Variants in PLEKHM3 observed in about 807,000 individuals in gnomAD.
PLEKHM3 encodes the protein pleckstrin homology domain-containing family M member 3.
A neutral mutation model predicts 81.8 loss-of-function variants in PLEKHM3; 45 were observed. The ratio of observed to expected loss-of-function variants is 0.55; its 90% CI spans 0.43 to 0.71. The LOEUF (loss-of-function observed/expected upper bound fraction) is 0.71. Among genes scored for constraint, PLEKHM3 ranks in the 30% least tolerant of loss-of-function variants. The pLI is 0.00. For missense variants in PLEKHM3, 788 were observed against 924.3 expected, an observed-to-expected ratio of 0.85 and a Z score of 1.91; for synonymous variants, 352 against 356.4, an observed-to-expected ratio of 0.99 and a Z score of 0.14.
intron 6 of PLEKHM3, among the ~76,000 whole-genome samples, chr2:207,902,371 T>C (rs534306036): frequency 5.9e-4 from 90 of 152,318 alleles, no homozygotes; most frequent in African/African-American, 2.1e-3. Flanking sequence ...CAGTAAAGTA[T>C]GTTGTTTAAA....
At chr2:207,935,800 A>G (rs1052567236) in intron 4 of PLEKHM3, among the ~76,000 whole-genome samples, 1 of 152,168 alleles carries the variant, frequency 6.6e-6, no homozygotes, top group African/African-American at 2.4e-5. Context: ...TCACTTCATA[A>G]AAGAGTTTTC....
At chr2:207,887,784 GAAC>G (rs1398440256) in intron 6 of PLEKHM3, among the ~76,000 whole-genome samples, 1 of 152,156 alleles carries the variant, frequency 6.6e-6, no homozygotes, top group Non-Finnish European at 1.5e-5. Flanking sequence ...AGTACACAGA[GAAC>G]AACAGCACTG....
chr2:208,003,790 A>G (rs1379042856), intron 1 of PLEKHM3, among the ~76,000 whole-genome samples: 5 of 152,158 alleles, frequency 3.3e-5, no homozygotes, highest in African/African-American at 1.2e-4. Flanking sequence ...ATATTTTTCA[A>G]TTTCATCTTG....
intron 2 of PLEKHM3, among the ~76,000 whole-genome samples, chr2:207,996,214 A>AC (rs1353803924): frequency 6.6e-6 from 1 of 152,072 alleles, no homozygotes; most frequent in African/African-American, 2.4e-5. Flanking sequence ...AGAAAATCAA[A>AC]AGTGTTTGAT....
chr2:207,847,640 G>A (rs1321395533), intron 7 of PLEKHM3, among the ~76,000 whole-genome samples: 1 of 152,088 alleles, frequency 6.6e-6, no homozygotes, highest in Non-Finnish European at 1.5e-5. Context: ...TCCACCATTG[G>A]TATTAGAGAA....
At chr2:207,837,336 T>C (rs2092324824) in intron 7 of PLEKHM3, among the ~76,000 whole-genome samples, 1 of 152,134 alleles carries the variant, frequency 6.6e-6, no homozygotes, top group Non-Finnish European at 1.5e-5. Flanking sequence ...CCCAGCTAAA[T>C]TAAGCCATAA....
intron 3 of PLEKHM3, among the ~76,000 whole-genome samples, chr2:207,970,403 G>A (rs1231183049): frequency 6.6e-6 from 1 of 151,916 alleles, no homozygotes; most frequent in African/African-American, 2.4e-5. Context: ...CAGGCAGCAG[G>A]GGTCTGTGAT....
chr2:208,023,822 G>A (rs1266777680), intron 1 of PLEKHM3, among the ~76,000 whole-genome samples: 1 of 151,868 alleles, frequency 6.6e-6, no homozygotes, highest in Admixed American at 6.6e-5. Flanking sequence ...TCCAGGCCCT[G>A]GTAATCACCA....
intron 6 of PLEKHM3, among the ~76,000 whole-genome samples, chr2:207,886,673 C>T (rs1687894725): frequency 6.6e-6 from 1 of 152,088 alleles, no homozygotes. Flanking sequence ...CATACCAGCA[C>T]CGGAATGAAA....
In PLEKHM3 at chr2:208,001,044, G is replaced by A; in HGVS notation, c.596C>T (p.Ala199Val). 1.3e-6 allele frequency: 2 copies of A among 1,535,252 alleles called. No individual in the cohort carries two copies. The highest frequency in any genetic ancestry group is 8.8e-7 in the Non-Finnish European group (1 of 1,140,424). The stretch of plus-strand genomic sequence containing the variant: ...TAAAAACATACCAGTATTTCCTTGA[G>A]CATCTTCTATCTTATTTGGTGAGGG... ...LLPSPNKIED[A>V]QGNTEHKQTF... is the part of the protein sequence containing the mutation. Residue 199 changes from alanine (A) to valine (V), a missense_variant, in exon 2 of 8, where the codon GCT becomes GTT. Ala to Val is a moderately conservative substitution (Grantham distance 64). Coordinates refer to ENST00000427836, the MANE Select transcript of PLEKHM3 (RefSeq NM_001080475.3).
chr2:208,001,366 T>C lies in PLEKHM3; in HGVS notation c.274A>G (p.Lys92Glu). Residue 92 changes from lysine to glutamate, a missense_variant, in exon 2 of 8, where the codon AAA becomes GAA. Coordinates refer to ENST00000427836, the MANE Select transcript of PLEKHM3 (RefSeq NM_001080475.3). ...ETKAQNVFPAKEQFMVQRGTT... is the reference protein window; with the variant it reads ...ETKAQNVFPAEEQFMVQRGTT... ...CCTCTCTGGACCATAAACTGTTCTTTGGCAGGGAAGACATTTTGAGCTTTG... is the reference window on the plus strand; with the variant it reads ...CCTCTCTGGACCATAAACTGTTCTTCGGCAGGGAAGACATTTTGAGCTTTG... 3 of 1,614,230 alleles carry C rather than the reference T, an allele frequency of 1.9e-6. No individual in the cohort carries two copies. Among genetic ancestry groups the C allele is most frequent in the Non-Finnish European group, 2.5e-6 (3 of 1,180,034 alleles).
intron 3 of PLEKHM3, among the ~76,000 whole-genome samples, chr2:207,975,742 A>C (rs551021677): frequency 7.3e-5 from 11 of 151,520 alleles, no homozygotes; most frequent in African/African-American, 2.7e-4. Flanking sequence ...GATTACAAGC[A>C]CCCACCACCA....
At chr2:207,892,652 C>T (rs1345615931) in intron 6 of PLEKHM3, among the ~76,000 whole-genome samples, 1 of 152,180 alleles carries the variant, frequency 6.6e-6, no homozygotes, top group Non-Finnish European at 1.5e-5. Flanking sequence ...ATCAACTTCT[C>T]TCGCCACCCC....
At chr2:207,865,175 A>G (rs1413102431) in intron 6 of PLEKHM3, among the ~76,000 whole-genome samples, 2 of 152,220 alleles carry the variant, frequency 1.3e-5, no homozygotes, top group African/African-American at 2.4e-5. Context: ...AGTAAGAATC[A>G]AACTGGAACT....
chr2:207,865,801 AAGATATATAT>A (rs1420377713), intron 6 of PLEKHM3, among the ~76,000 whole-genome samples: 5 of 25,284 alleles, frequency 2.0e-4, no homozygotes, highest in African/African-American at 1.0e-3. Flanking sequence ...AAAAAAAAAA[AAGATATATAT>A]ATATATATAT....
chr2:207,829,705 C>T (rs1370563482), intron 7 of PLEKHM3, among the ~76,000 whole-genome samples: 3 of 152,116 alleles, frequency 2.0e-5, no homozygotes, highest in African/African-American at 7.2e-5. Context: ...GTCCTAGGAG[C>T]CCAGGGAATT....
Position 207,837,761 on chromosome 2 carries a change from ATTTTTT to A in PLEKHM3, c.2109-9271_2109-9266del, listed in dbSNP as rs1194861994. ...GCCACGGCGCCTGGCCGGTTCTTCC[ATTTTTT>A]TTTTTTTTTTTTTTTTTTTTTGAGA... On this transcript the variant is annotated intron_variant, in intron 7 of 7. Transcript: ENST00000427836. 6.5e-3 allele frequency among the ~76,000 whole-genome samples: 486 copies of A among 74,740 alleles called. 56 individuals carry two copies. The highest frequency in any genetic ancestry group is 8.5e-3 in the Non-Finnish European group (354 of 41,660). 49.0% of individuals were successfully genotyped at this position (74,740 alleles called of 152,430 possible).
intron 7 of PLEKHM3, among the ~76,000 whole-genome samples, chr2:207,858,421 T>G (rs1421354781): frequency 6.6e-6 from 1 of 152,036 alleles, no homozygotes; most frequent in Admixed American, 6.6e-5. Flanking sequence ...AATTGAGACT[T>G]GTTTTGTGGC....
chr2:207,954,865 ATGT>A (rs1336940955), intron 3 of PLEKHM3, among the ~76,000 whole-genome samples: 5 of 152,336 alleles, frequency 3.3e-5, no homozygotes, highest in East Asian at 1.9e-4. Context: ...ATCTCATGGA[ATGT>A]TGTTATTAAG....
Sources: gnomAD v4.1 joint callset for allele counts (sites outside exome capture counted in the v4.1 genomes callset) on GRCh38, gnomAD v4.1.1 for gene constraint, MANE v1.5 for transcripts, NCBI Gene and HGNC (gene_info 2026-07-23, HGNC 2026-07-21) for gene names.